The following LHFPL3 variants were observed in gnomAD, a reference collection of about 807,000 sequenced individuals.
LHFPL3 encodes the protein LHFPL tetraspan subfamily member 3 protein.
Under a neutral mutation model 19.3 loss-of-function variants are expected in LHFPL3, and 5 were observed. That is an observed-to-expected ratio of 0.26 (90% CI 0.14 to 0.54). The LOEUF is 0.54. Among genes scored for constraint, LHFPL3 ranks in the 20% least tolerant of loss-of-function variants. The pLI is 0.94. For missense variants in LHFPL3, 249 were observed against 307.4 expected (o/e 0.81, Z 1.42); for synonymous variants, 133 against 126.2 (o/e 1.05, Z -0.36).
chr7:104,612,250 A>G (rs1324044740), intron 1 of LHFPL3, among the ~76,000 whole-genome samples: 1 of 152,160 alleles, frequency 6.6e-6, no homozygotes, highest in Non-Finnish European at 1.5e-5. Flanking sequence ...GTGTTATTTA[A>G]TCCCTCTGAG....
At chr7:104,719,626 A>C (rs994911508) in intron 1 of LHFPL3, among the ~76,000 whole-genome samples, 2 of 152,216 alleles carry the variant, frequency 1.3e-5, no homozygotes, top group African/African-American at 4.8e-5. Context: ...AAAAACCAAC[A>C]GTTTTTAAGC....
At chr7:104,664,498 C>G (rs1039459096) in intron 1 of LHFPL3, among the ~76,000 whole-genome samples, 4 of 152,208 alleles carry the variant, frequency 2.6e-5, no homozygotes, top group African/African-American at 9.6e-5. Flanking sequence ...ACACTGGCTC[C>G]TTTCCTGTCT....
At chr7:104,788,003 T>C (rs928439720) in intron 2 of LHFPL3, among the ~76,000 whole-genome samples, 3 of 152,234 alleles carry the variant, frequency 2.0e-5, no homozygotes, top group Non-Finnish European at 4.4e-5. Context: ...CAGTTATCTT[T>C]GTCGAGTTCT....
At chr7:104,456,856 T>C (rs1283289908) in intron 1 of LHFPL3, among the ~76,000 whole-genome samples, 1 of 152,238 alleles carries the variant, frequency 6.6e-6, no homozygotes, top group African/African-American at 2.4e-5. Flanking sequence ...TGAGATTTCA[T>C]CATGCTACTT....
intron 2 of LHFPL3, among the ~76,000 whole-genome samples, chr7:104,744,706 C>A (rs1794006602): frequency 6.6e-6 from 1 of 152,214 alleles, no homozygotes; most frequent in South Asian, 2.1e-4. Flanking sequence ...TCATGCGCAA[C>A]TTTCAATCCT....
intron 1 of LHFPL3, among the ~76,000 whole-genome samples, chr7:104,723,986 A>C (rs933168486): frequency 8.5e-5 from 13 of 152,312 alleles, no homozygotes; most frequent in African/African-American, 3.1e-4. Context: ...TGATGGTGCT[A>C]CATCTTAAAG....
chr7:104,666,398 G>T (rs368730709), intron 1 of LHFPL3, among the ~76,000 whole-genome samples: 1 of 150,182 alleles, frequency 6.7e-6, no homozygotes, highest in East Asian at 2.0e-4. Context: ...AACTTTTTTA[G>T]CTCCCATATA....
intron 1 of LHFPL3, among the ~76,000 whole-genome samples, chr7:104,336,482 G>A (rs1789811955): frequency 6.7e-6 from 1 of 149,132 alleles, no homozygotes; most frequent in African/African-American, 2.5e-5. Context: ...TTGAGTGAGT[G>A]CATTTCTCAC....
chr7:104,583,399 G>T (rs1790501160), intron 1 of LHFPL3, among the ~76,000 whole-genome samples: 1 of 152,132 alleles, frequency 6.6e-6, no homozygotes, highest in Admixed American at 6.6e-5. Flanking sequence ...ACATAGGCAT[G>T]GGCAGAACTT....
chr7:104,649,479 G>C (rs1247445679), intron 1 of LHFPL3, among the ~76,000 whole-genome samples: 3 of 152,196 alleles, frequency 2.0e-5, no homozygotes, highest in African/African-American at 7.2e-5. Flanking sequence ...GGAATTTTTA[G>C]AGATCAAAGG....
intron 1 of LHFPL3, among the ~76,000 whole-genome samples, chr7:104,660,088 G>A (rs186686353): frequency 1.9e-4 from 29 of 149,260 alleles, no homozygotes; most frequent in Admixed American, 1.0e-3. Flanking sequence ...TGCAACCTCC[G>A]CCTCCCAGGT....
At chr7:104,729,136 T>C (rs1212406132) in intron 1 of LHFPL3, among the ~76,000 whole-genome samples, 1 of 152,192 alleles carries the variant, frequency 6.6e-6, no homozygotes, top group African/African-American at 2.4e-5. Flanking sequence ...TATTTTGCAG[T>C]GTTTTTCAGC....
In LHFPL3 at chr7:104,536,605, T is replaced by G. The variant is rs182128805; in HGVS notation, c.446-200070T>G. ...CGATCTAATCTTCTGTGATCTGATC[T>G]TGCTGAAGAAACATGAAATGTAGTT... On this transcript the variant is annotated intron_variant, in intron 1 of 2. Coordinates refer to ENST00000424859, the MANE Select transcript of LHFPL3 (RefSeq NM_199000.3). 2.8e-3 allele frequency among the ~76,000 whole-genome samples: 422 copies of G among 152,330 alleles called. 2 individuals are homozygous for G. Among genetic ancestry groups the G allele is most frequent in the African/African-American group, 9.8e-3 (408 of 41,572 alleles).
At chr7:104,512,973 C>T (rs1793849107) in intron 1 of LHFPL3, among the ~76,000 whole-genome samples, 1 of 152,098 alleles carries the variant, frequency 6.6e-6, no homozygotes, top group South Asian at 2.1e-4. Context: ...TTTAGAAACC[C>T]TAGGTATAAT....
intron 1 of LHFPL3, chr7:104,668,891 A>G: frequency 5.6e-6 from 9 of 1,612,324 alleles, no homozygotes; most frequent in Non-Finnish European, 7.6e-6. Flanking sequence ...ACGAAGGAAC[A>G]AGAGAAGTTG....
At chr7:104,509,711 A>G (rs749979473) in intron 1 of LHFPL3, among the ~76,000 whole-genome samples, 1 of 152,118 alleles carries the variant, frequency 6.6e-6, no homozygotes, top group Non-Finnish European at 1.5e-5. Flanking sequence ...CCCTTATTCA[A>G]CATAGTGCCA....
At chr7:104,389,233 A>G (rs1167461332) in intron 1 of LHFPL3, among the ~76,000 whole-genome samples, 1 of 152,198 alleles carries the variant, frequency 6.6e-6, no homozygotes, top group Non-Finnish European at 1.5e-5. Context: ...ACTAGTAATG[A>G]CCAATATGAA....
At chr7:104,587,810 T>A (rs547784636) in intron 1 of LHFPL3, among the ~76,000 whole-genome samples, 1 of 152,124 alleles carries the variant, frequency 6.6e-6, no homozygotes, top group African/African-American at 2.4e-5. Context: ...ATGATCGCCA[T>A]TCTAACTGGT....
chr7:104,401,057 G>A lies in LHFPL3; in HGVS notation c.445+71833G>A, dbSNP rs553270453. Among the ~76,000 whole-genome samples the A allele has an allele frequency of 7.2e-5, 11 of 152,336 alleles. No individual in the cohort carries two copies. The South Asian group carries it at 2.3e-3, about 32-fold the overall frequency. On this transcript the variant is annotated intron_variant, in intron 1 of 2. Coordinates refer to ENST00000424859, the MANE Select transcript of LHFPL3 (RefSeq NM_199000.3). ...AGCTATAAGGAATGGCCTAAGACCA[G>A]TCTGGGGATAGGCCCTGGCCCTGGG...
Sources: allele counts gnomAD v4.1 joint callset (sites outside exome capture counted in the v4.1 genomes callset), GRCh38; gene constraint gnomAD v4.1.1; transcripts MANE v1.5; gene names NCBI Gene and HGNC (gene_info 2026-07-23, HGNC 2026-07-21).